Variants in DDRGK1 observed in about 807,000 individuals in gnomAD.
DDRGK1 encodes DDRGK domain containing 1, also known as DDRGK domain-containing protein 1.
DDRGK1 carries 38 observed loss-of-function variants against 45.8 expected under a neutral mutation model. The observed-to-expected ratio is 0.83, with a 90% CI of 0.64 to 1.09. DDRGK1 has a LOEUF of 1.09. Among genes scored for constraint, DDRGK1 ranks in the 50% least tolerant of loss-of-function variants. The pLI, the probability that DDRGK1 is intolerant of heterozygous loss-of-function variation, is 0.00. For synonymous variants in DDRGK1, 171 were observed against 168.7 expected (o/e 1.01, Z -0.11); for missense variants, 403 against 419.9 (o/e 0.96, Z 0.35).
chr20:3,203,130 C>T (rs2122243334), intron 2 of DDRGK1, 83 bp downstream of exon 2: 1 of 1,315,728 alleles, frequency 7.6e-7, no homozygotes, highest in South Asian at 1.6e-5. Context: ...GCTTCATACC[C>T]TACTCCCCCA....
chr20:3,193,999 C>T (rs1399443795), intron 6 of DDRGK1, among the ~76,000 whole-genome samples: 1 of 152,164 alleles, frequency 6.6e-6, no homozygotes, highest in Non-Finnish European at 1.5e-5. Context: ...GGGGAGTGCA[C>T]ACAGCCTGAA....
At chr20:3,200,852 T>A (rs1183157746) in intron 2 of DDRGK1, among the ~76,000 whole-genome samples, 1 of 152,158 alleles carries the variant, frequency 6.6e-6, no homozygotes, top group Non-Finnish European at 1.5e-5. Flanking sequence ...GGCTCATGCC[T>A]GTAATCCCAG....
chr20:3,198,849 A>G (rs2067023631), intron 4 of DDRGK1, among the ~76,000 whole-genome samples: 2 of 147,944 alleles, frequency 1.4e-5, no homozygotes, highest in Admixed American at 1.4e-4. Context: ...CAAATAAAAT[A>G]TGAATAATGG....
intron 7 of DDRGK1, 38 bp from the exon 8 acceptor site, chr20:3,191,276 C>G (rs959761663): frequency 6.2e-7 from 1 of 1,608,878 alleles, no homozygotes; most frequent in African/African-American, 1.3e-5. Flanking sequence ...AGATAGGCAC[C>G]AATGTCCCCA....
In DDRGK1 at chr20:3,190,354, T is replaced by C; in HGVS notation, c.*299A>G. 2.8e-6 allele frequency: 1 copy of C among 360,218 alleles called. No individual in the cohort carries two copies. The highest frequency in any genetic ancestry group is 5.0e-6 in the Non-Finnish European group (1 of 198,386). The allele number at this position is 360,218 out of a possible 1,614,324, so 22.3% of individuals were successfully genotyped here. On this transcript the variant is annotated 3_prime_UTR_variant, in exon 9 of 9. Transcript: ENST00000354488. ...GCAGGGCACAAAGAAACAGAGTAAA[T>C]GTGCAACAGGCTATTTTCTTGAATG...
intron 4 of DDRGK1, among the ~76,000 whole-genome samples, chr20:3,197,006 T>C (rs1452336913): frequency 6.6e-6 from 1 of 151,884 alleles, no homozygotes; most frequent in Non-Finnish European, 1.5e-5. Flanking sequence ...GCGGATCACC[T>C]GAGGTCAGGA....
At chr20:3,193,832 C>T (rs1008615930) in intron 6 of DDRGK1, among the ~76,000 whole-genome samples, 3 of 152,162 alleles carry the variant, frequency 2.0e-5, no homozygotes, top group African/African-American at 7.2e-5. Context: ...CTAATTCCAC[C>T]TGGGAAGGCT....
At chr20:3,201,721 G>A (rs1418518156) in intron 2 of DDRGK1, among the ~76,000 whole-genome samples, 5 of 150,850 alleles carry the variant, frequency 3.3e-5, no homozygotes, top group East Asian at 2.0e-4. Flanking sequence ...GCAGTGGCGC[G>A]ATCTCGGCTC....
intron 4 of DDRGK1, 147 bp downstream of exon 4, chr20:3,199,853 TG>T (rs2067027986): frequency 1.5e-6 from 1 of 652,446 alleles, no homozygotes; most frequent in Non-Finnish European, 2.4e-6. Flanking sequence ...TAGGCTGTGG[TG>T]GAGCCTAGGG....
chr20:3,197,508 T>C (rs1347359478), intron 4 of DDRGK1, among the ~76,000 whole-genome samples: 3 of 152,234 alleles, frequency 2.0e-5, no homozygotes, highest in Non-Finnish European at 4.4e-5. Context: ...TTTGGTATGT[T>C]GCATTGAAGA....
chr20:3,203,177 C>T (rs1230970096), intron 2 of DDRGK1, 36 bp downstream of exon 2: 1 of 1,504,688 alleles, frequency 6.6e-7, no homozygotes. Context: ...CCCCTCCAAC[C>T]CAAACCCTCT....
chr20:3,200,300 C>T (rs2067030254), intron 3 of DDRGK1, 42 bp downstream of exon 3: 4 of 1,542,156 alleles, frequency 2.6e-6, no homozygotes, highest in Admixed American at 2.0e-5. Flanking sequence ...AGGCAGTGCC[C>T]TTTCGCACTT....
intron 6 of DDRGK1, among the ~76,000 whole-genome samples, 184 bp from the exon 7 acceptor site, chr20:3,192,005 T>A (rs1023823822): frequency 3.4e-5 from 4 of 116,216 alleles, no homozygotes; most frequent in Admixed American, 8.0e-5. Flanking sequence ...ACACACTCAC[T>A]ATCACCCATT....
intron 2 of DDRGK1, among the ~76,000 whole-genome samples, chr20:3,202,876 T>C (rs1019528196): frequency 1.3e-5 from 2 of 152,230 alleles, no homozygotes; most frequent in African/African-American, 4.8e-5. Context: ...CAGAAACTCT[T>C]GGCCAGGCAC....
chr20:3,197,156 G>A (rs1340529903), intron 4 of DDRGK1, among the ~76,000 whole-genome samples: 1 of 150,980 alleles, frequency 6.6e-6, no homozygotes, highest in Non-Finnish European at 1.5e-5. Context: ...CTGGGAAGCG[G>A]AGGTTGCAGT....
At chr20:3,198,716 A>AC (rs2067022993) in intron 4 of DDRGK1, among the ~76,000 whole-genome samples, 1 of 140,764 alleles carries the variant, frequency 7.1e-6, no homozygotes, top group South Asian at 2.3e-4. Context: ...AAAAAAAAAA[A>AC]AAACAAAACA....
chr20:3,204,293 G>A (rs2067055519), intron 1 of DDRGK1, among the ~76,000 whole-genome samples: 1 of 152,172 alleles, frequency 6.6e-6, no homozygotes, highest in African/African-American at 2.4e-5. Context: ...TGGAGTTCCC[G>A]GGGGTGAAGA....
chr20:3,194,416 T>C (rs1457675136), intron 6 of DDRGK1, among the ~76,000 whole-genome samples: 1 of 152,164 alleles, frequency 6.6e-6, no homozygotes, highest in Non-Finnish European at 1.5e-5. Flanking sequence ...GGAAACACCA[T>C]CCTGTTCCCC....
chr20:3,193,483 G>A (rs1600471339), intron 6 of DDRGK1, among the ~76,000 whole-genome samples: 1 of 152,030 alleles, frequency 6.6e-6, no homozygotes, highest in Non-Finnish European at 1.5e-5. Context: ...TGATTCTCCT[G>A]CCTCAGCCTC....
Sources: gnomAD v4.1 joint callset for allele counts (sites outside exome capture counted in the v4.1 genomes callset) on GRCh38, gnomAD v4.1.1 for gene constraint, MANE v1.5 for transcripts, NCBI Gene and HGNC (gene_info 2026-07-23, HGNC 2026-07-21) for gene names.